The following LAMP3 variants were observed in gnomAD, a reference collection of about 807,000 sequenced individuals.
LAMP3 encodes the protein lysosome-associated membrane glycoprotein 3.
Under a neutral mutation model 34.8 loss-of-function variants are expected in LAMP3, and 26 were observed. The observed-to-expected ratio is 0.75, with a 90% CI of 0.55 to 1.04. The LOEUF (loss-of-function observed/expected upper bound fraction) is 1.04. LAMP3 is among the 50% of genes least tolerant of loss of function. The probability of loss-of-function intolerance (pLI) is 0.00; values close to 1 mark genes in which losing one functional copy is unlikely to be tolerated. For missense variants in LAMP3, 495 were observed against 524.0 expected, an observed-to-expected ratio of 0.94 and a Z score of 0.54; for synonymous variants, 180 against 201.9, an observed-to-expected ratio of 0.89 and a Z score of 0.92.
intron 5 of LAMP3, among the ~76,000 whole-genome samples, chr3:183,135,487 G>A (rs181924765): frequency 1.8e-4 from 28 of 152,272 alleles, no homozygotes; most frequent in East Asian, 1.4e-3. Flanking sequence ...AAGAATGTGC[G>A]TGAGTCGAAG....
chr3:183,160,738 A>C (rs1395250785), intron 1 of LAMP3: 2 of 152,378 alleles, frequency 1.3e-5, no homozygotes, highest in African/African-American at 4.8e-5. Context: ...CTATGGGCAC[A>C]GACTCTGGTT....
chr3:183,131,885 T>C (rs1228932316), intron 5 of LAMP3: 41 of 970,404 alleles, frequency 4.2e-5, no homozygotes, highest in Non-Finnish European at 5.0e-5. Flanking sequence ...CATATTTTAA[T>C]AGAATTTTTC....
Position 183,140,584 on chromosome 3 carries a change from T to C in LAMP3, c.900A>G (p.Ser300=), listed in dbSNP as rs769646730. The change falls in exon 4 of 6, where the codon TCA becomes TCG. Residue 300 remains serine, a synonymous_variant. Transcript: ENST00000265598. The stretch of plus-strand genomic sequence containing the variant: ...AGGCTCCCACTTCACTGATATAATA[T>C]GATTCTTCATCCTGTAAAACAGTAG... ...VNLTFTKDEE[S]YYISEVGAYL... 13 of 1,599,322 alleles carry C rather than the reference T, an allele frequency of 8.1e-6. No individual in the cohort carries two copies. Among genetic ancestry groups the C allele is most frequent in the Non-Finnish European group, 1.1e-5 (13 of 1,166,712 alleles).
intron 1 of LAMP3, among the ~76,000 whole-genome samples, chr3:183,162,180 T>A (rs1445758917): frequency 6.7e-6 from 1 of 149,806 alleles, no homozygotes. Flanking sequence ...GGAAGTACAA[T>A]GATCATTTAA....
intron 2 of LAMP3, 37 bp downstream of exon 2, chr3:183,153,645 T>G (rs1720725661): frequency 7.1e-7 from 1 of 1,418,170 alleles, no homozygotes; most frequent in Admixed American, 2.4e-5. Flanking sequence ...CTCAGACTTT[T>G]TGAAGATAGT....
At chr3:183,159,467 G>A (rs1238213474) in intron 1 of LAMP3, among the ~76,000 whole-genome samples, 3 of 152,238 alleles carry the variant, frequency 2.0e-5, no homozygotes, top group Admixed American at 6.5e-5. Context: ...ACTACACACT[G>A]TCTGCAGAGC....
At chr3:183,146,725 G>T (rs1236932015) in intron 3 of LAMP3, among the ~76,000 whole-genome samples, 1 of 151,670 alleles carries the variant, frequency 6.6e-6, no homozygotes, top group Non-Finnish European at 1.5e-5. Context: ...ACAGGGTCTT[G>T]CCATGTTGGC....
At chr3:183,141,613 G>T (rs675924) in intron 3 of LAMP3, among the ~76,000 whole-genome samples, 79,715 of 152,060 alleles carry the variant, frequency 0.52, 24,433 homozygotes, top group Non-Finnish European at 0.68. Context: ...TACTAATCTT[G>T]ACCACATTAT....
chr3:183,137,163 C>T (rs1303870647), intron 4 of LAMP3, among the ~76,000 whole-genome samples: 1 of 151,292 alleles, frequency 6.6e-6, no homozygotes, highest in Non-Finnish European at 1.5e-5. Flanking sequence ...ACTAAAAATA[C>T]AAAAATTAGC....
At chr3:183,152,893 T>C (rs111487892) in intron 2 of LAMP3, among the ~76,000 whole-genome samples, 11,197 of 152,204 alleles carry the variant, frequency 0.074, 459 homozygotes, top group East Asian at 0.16. Flanking sequence ...GAAAATATTA[T>C]TGGCCGGGCA....
chr3:183,129,224 ACTT>A (rs1719852783), intron 5 of LAMP3, among the ~76,000 whole-genome samples: 1 of 152,162 alleles, frequency 6.6e-6, no homozygotes, highest in Admixed American at 6.5e-5. Context: ...AGGCCTAAAG[ACTT>A]CTTCATGTTT....
At chr3:183,129,343 G>A (rs796364855) in intron 5 of LAMP3, among the ~76,000 whole-genome samples, 1 of 151,956 alleles carries the variant, frequency 6.6e-6, no homozygotes, top group Non-Finnish European at 1.5e-5. Flanking sequence ...TTATCTCAAG[G>A]AAATTTCCTT....
intron 1 of LAMP3, 88 bp downstream of exon 1, chr3:183,162,519 C>G: frequency 1.5e-6 from 2 of 1,339,218 alleles, no homozygotes; most frequent in Non-Finnish European, 2.1e-6. Flanking sequence ...CGCAGCCCGT[C>G]CTGTGGCGCC....
rs1719710497 is a variant in LAMP3, at chr3:183,123,307, C to T, written c.*774G>A. 1 of 152,032 alleles carries T rather than the reference C, an allele frequency of 6.6e-6. No homozygotes were observed. The highest frequency in any genetic ancestry group is 1.5e-5 in the Non-Finnish European group (1 of 68,024). The allele number at this position is 152,032 out of a possible 1,614,324, so 9.4% of individuals were successfully genotyped here. A position where few individuals can be genotyped will look rare whatever the true frequency, so the allele number is the denominator to read the frequency against. ...GGCGCAATGGCTCATGCCTGTAATC[C>T]CAGCACTTTGGGAGGCTGAGGTGGG... is the stretch of plus-strand genomic sequence containing the variant. On this transcript the variant is annotated 3_prime_UTR_variant, in exon 6 of 6. Transcript: ENST00000265598.
intron 2 of LAMP3, 53 bp from the exon 3 acceptor site, chr3:183,152,556 T>C: frequency 6.5e-7 from 1 of 1,527,936 alleles, no homozygotes; most frequent in Non-Finnish European, 8.8e-7. Context: ...AAACTCTAGC[T>C]AGGGAACCAG....
chr3:183,152,574 G>A (rs1007855066), intron 2 of LAMP3, 71 bp from the exon 3 acceptor site: 2 of 1,415,310 alleles, frequency 1.4e-6, no homozygotes, highest in African/African-American at 2.9e-5. Context: ...CAGATGCACA[G>A]GCTAGTTTGT....
chr3:183,133,276 T>C (rs1719981845), intron 5 of LAMP3, among the ~76,000 whole-genome samples: 1 of 152,100 alleles, frequency 6.6e-6, no homozygotes, highest in African/African-American at 2.4e-5. Context: ...TTTGAGAAAA[T>C]GCTAGTTTGG....
chr3:183,162,907 G>T, upstream of LAMP3: 1 of 489,318 alleles, frequency 2.0e-6, no homozygotes, highest in Non-Finnish European at 3.6e-6. Flanking sequence ...CCGCACGCGC[G>T]TGGTCCCGGC....
At chr3:183,142,201 G>T (rs892833546) in intron 3 of LAMP3, among the ~76,000 whole-genome samples, 2 of 152,042 alleles carry the variant, frequency 1.3e-5, no homozygotes, top group African/African-American at 4.8e-5. Flanking sequence ...ATATTTCAGG[G>T]TCCACAGTCC....
Sources: allele counts gnomAD v4.1 joint callset (sites outside exome capture counted in the v4.1 genomes callset), GRCh38; gene constraint gnomAD v4.1.1; transcripts MANE v1.5; gene names NCBI Gene and HGNC (gene_info 2026-07-23, HGNC 2026-07-21).